Variants in N4BP2L1 observed in about 807,000 individuals in gnomAD.
N4BP2L1 encodes NEDD4-binding protein 2-like 1.
In N4BP2L1, 12 loss-of-function variants were observed where a neutral mutation model predicts 21.2. The observed-to-expected ratio is 0.57, with a 90% CI of 0.36 to 0.92. N4BP2L1 has a LOEUF of 0.92. N4BP2L1 is among the 40% of genes least tolerant of loss of function. The pLI is 0.01. For missense variants in N4BP2L1, 259 were observed against 310.6 expected (o/e 0.83, Z 1.25); for synonymous variants, 104 against 112.8 (o/e 0.92, Z 0.49).
At chr13:32,420,099 C>T (rs562970477) in intron 1 of N4BP2L1, among the ~76,000 whole-genome samples, 3 of 152,336 alleles carry the variant, frequency 2.0e-5, no homozygotes, top group South Asian at 2.1e-4. Context: ...TAGGGGGACT[C>T]AGGGAACAGT....
intron 4 of N4BP2L1, chr13:32,403,509 T>C: frequency 9.3e-6 from 4 of 428,138 alleles, no homozygotes; most frequent in South Asian, 8.9e-5. Context: ...TAAAAAATCA[T>C]ACATTTGCCT....
At chr13:32,408,798 C>T (rs1032733883) in intron 1 of N4BP2L1, among the ~76,000 whole-genome samples, 1 of 152,218 alleles carries the variant, frequency 6.6e-6, no homozygotes. Flanking sequence ...CAAAGCTATT[C>T]AATGTCTTTT....
Position 32,404,291 on chromosome 13 carries a change from T to A in N4BP2L1, c.473+30A>T, listed in dbSNP as rs11841349. The A allele has an allele frequency of 8.9e-4, 1,427 of 1,598,568 alleles. 12 individuals carry two copies. The African/African-American group carries it at 0.016, about 18-fold the overall frequency. On this transcript the variant is annotated intron_variant, in intron 4 of 4. Coordinates refer to ENST00000380130, the MANE Select transcript of N4BP2L1 (RefSeq NM_052818.3). ...AAATACCTGAAAATAGCAGGATACA[T>A]AATGAGGAACTAGAAAAACAAAGAA...
At chr13:32,407,511 C>T (rs924236452) in intron 2 of N4BP2L1, 134 bp downstream of exon 2, 1 of 1,587,482 alleles carries the variant, frequency 6.3e-7, no homozygotes, top group Admixed American at 1.8e-5. Flanking sequence ...AGGTTATGCT[C>T]TGGTGTTCTG....
intron 1 of N4BP2L1, chr13:32,420,371 C>G (rs1043034079): frequency 6.6e-6 from 1 of 152,186 alleles, no homozygotes; most frequent in South Asian, 2.1e-4. Context: ...GCACACCTAC[C>G]TCAGTACTAA....
At chr13:32,411,140 C>T (rs2073834749) in intron 1 of N4BP2L1, among the ~76,000 whole-genome samples, 1 of 152,128 alleles carries the variant, frequency 6.6e-6, no homozygotes, top group African/African-American at 2.4e-5. Context: ...AAAAACAGCA[C>T]ATAACACTAC....
rs1023852221 is a variant in N4BP2L1, at chr13:32,401,100, G to C, written c.*1842C>G. ...AAGTGAGCCAAAAACCCTAAAGCAG[G>C]GAGCCAGCCAAGTCAGGAGGGCTTG... On this transcript the variant is annotated 3_prime_UTR_variant, in exon 5 of 5. Coordinates refer to ENST00000380130, the MANE Select transcript of N4BP2L1 (RefSeq NM_052818.3). 1.3e-5 allele frequency: 2 copies of C among 152,156 alleles called. No homozygotes were observed. Among genetic ancestry groups the C allele is most frequent in the African/African-American group, 4.8e-5 (2 of 41,428 alleles). 9.4% of individuals were successfully genotyped at this position (152,156 alleles called of 1,614,324 possible). A position where few individuals can be genotyped will look rare whatever the true frequency, so the allele number is the denominator to read the frequency against.
chr13:32,427,894 C>T lies in N4BP2L1; in HGVS notation c.179+10G>A, dbSNP rs1322440422. 36 of 1,470,512 alleles carry T rather than the reference C, an allele frequency of 2.4e-5. No homozygotes were observed. The highest frequency in any genetic ancestry group is 3.2e-5 in the Non-Finnish European group (35 of 1,110,092). The allele number at this position is 1,470,512 out of a possible 1,614,324, so 91.1% of individuals were successfully genotyped here. ...GGCCCGTGCACCGGCGCCCAGACCGCTGTCATTACCTGGCCAGTGTAGTTT... is the reference window on the plus strand; with the variant it reads ...GGCCCGTGCACCGGCGCCCAGACCGTTGTCATTACCTGGCCAGTGTAGTTT... On this transcript the variant is annotated intron_variant, in intron 1 of 4. Transcript: ENST00000380130.
intron 2 of N4BP2L1, 83 bp downstream of exon 2, chr13:32,407,562 T>C: frequency 6.2e-7 from 1 of 1,603,988 alleles, no homozygotes; most frequent in African/African-American, 1.3e-5. Context: ...TTAAACTCCT[T>C]CCATAAAATT....
chr13:32,427,230 G>GC (rs2074824291), intron 1 of N4BP2L1, among the ~76,000 whole-genome samples: 2 of 152,194 alleles, frequency 1.3e-5, no homozygotes, highest in Admixed American at 6.5e-5. Flanking sequence ...CCGCCAGCCA[G>GC]CCCCCCGCCC....
intron 1 of N4BP2L1, chr13:32,424,936 A>T (rs962269013): frequency 6.6e-6 from 1 of 152,252 alleles, no homozygotes; most frequent in Non-Finnish European, 1.5e-5. Flanking sequence ...TTTCAAAAAC[A>T]TTTTTATTAG....
intron 1 of N4BP2L1, among the ~76,000 whole-genome samples, chr13:32,424,227 C>G (rs1262496967): frequency 6.6e-6 from 1 of 152,260 alleles, no homozygotes; most frequent in African/African-American, 2.4e-5. Context: ...TCACTTCAAT[C>G]AAGCCCGGGA....
At chr13:32,409,560 A>C (rs1317802090) in intron 1 of N4BP2L1, among the ~76,000 whole-genome samples, 1 of 152,268 alleles carries the variant, frequency 6.6e-6, no homozygotes, top group African/African-American at 2.4e-5. Context: ...GTTAAGGTAC[A>C]GAAAGAAAGT....
intron 4 of N4BP2L1, among the ~76,000 whole-genome samples, chr13:32,404,009 A>G (rs1197016351): frequency 2.0e-5 from 3 of 152,224 alleles, no homozygotes; most frequent in African/African-American, 7.2e-5. Flanking sequence ...CACCATTGAC[A>G]TGTGCAGTCC....
intron 1 of N4BP2L1, chr13:32,411,533 C>T: frequency 1.0e-6 from 1 of 985,294 alleles, no homozygotes; most frequent in African/African-American, 1.7e-5. Flanking sequence ...AATACCATTC[C>T]ATCAGCTTCA....
intron 1 of N4BP2L1, among the ~76,000 whole-genome samples, chr13:32,416,971 C>T (rs1270263003): frequency 1.3e-5 from 2 of 152,062 alleles, no homozygotes; most frequent in Non-Finnish European, 2.9e-5. Flanking sequence ...CGCGTGCCAC[C>T]ACCCCTGGCT....
intron 1 of N4BP2L1, chr13:32,411,537 A>G: frequency 1.0e-6 from 1 of 985,448 alleles, no homozygotes; most frequent in Non-Finnish European, 1.2e-6. Context: ...CCATTCCATC[A>G]GCTTCAGAAG....
rs1157634395 is a variant in N4BP2L1 at position 32,401,967 on chromosome 13, G to A, written c.*975C>T. 2 of 984,818 alleles carry A rather than the reference G, an allele frequency of 2.0e-6. No homozygotes were observed. The highest frequency in any genetic ancestry group is 2.4e-6 in the Non-Finnish European group (2 of 829,430). The allele number at this position is 984,818 out of a possible 1,614,324, so 61.0% of individuals were successfully genotyped here. A position where few individuals can be genotyped will look rare whatever the true frequency, so the allele number is the denominator to read the frequency against. ...ATAAGAAGACATTCCAGAGTTGTGA[G>A]GACTTGATTGTCTTAATGCCACATA... On this transcript the variant is annotated 3_prime_UTR_variant, in exon 5 of 5. Coordinates refer to ENST00000380130, the MANE Select transcript of N4BP2L1 (RefSeq NM_052818.3).
At chr13:32,403,926 A>G (rs2073310756) in intron 4 of N4BP2L1, among the ~76,000 whole-genome samples, 1 of 152,252 alleles carries the variant, frequency 6.6e-6, no homozygotes, top group Non-Finnish European at 1.5e-5. Context: ...TTTATAAATT[A>G]GAAGCAGCAT....
Sources: allele counts gnomAD v4.1 joint callset (sites outside exome capture counted in the v4.1 genomes callset), GRCh38; gene constraint gnomAD v4.1.1; transcripts MANE v1.5; gene names NCBI Gene and HGNC (gene_info 2026-07-23, HGNC 2026-07-21).